Variants in VRK2 observed in about 807,000 individuals in gnomAD.
VRK2 encodes the protein VRK serine/threonine kinase 2, also known as serine/threonine-protein kinase VRK2.
In VRK2, 60 loss-of-function variants were observed where a neutral mutation model predicts 57.6. The observed-to-expected ratio is 1.04, with a 90% CI of 0.85 to 1.29. The LOEUF is 1.29. Ranked by LOEUF, VRK2 falls within the 50% of genes most tolerant of loss-of-function variation. The pLI, the probability that VRK2 is intolerant of heterozygous loss-of-function variation, is 0.00. For missense variants in VRK2, 705 were observed against 588.1 expected (o/e 1.20, Z -2.06); for synonymous variants, 231 against 199.2 (o/e 1.16, Z -1.35).
At chr2:58,095,358 A>C (rs1305519306) in intron 7 of VRK2, among the ~76,000 whole-genome samples, 2 of 151,164 alleles carry the variant, frequency 1.3e-5, no homozygotes, top group Non-Finnish European at 3.0e-5. Context: ...TTTAAAATTG[A>C]TTTGGGGGAG....
At chr2:58,017,968 G>T (rs1434164619) in intron 1 of VRK2, 1 of 152,110 alleles carries the variant, frequency 6.6e-6, no homozygotes, top group East Asian at 1.9e-4. Flanking sequence ...AATCTCACTT[G>T]AATATTAGAA....
At chr2:57,924,438 C>T (rs995206935) in intron 1 of VRK2, among the ~76,000 whole-genome samples, 1 of 151,730 alleles carries the variant, frequency 6.6e-6, no homozygotes, top group Non-Finnish European at 1.5e-5. Flanking sequence ...ATCTTTCACT[C>T]CTTTGGTTAA....
At chr2:57,938,893 G>A (rs1473834958) in intron 1 of VRK2, among the ~76,000 whole-genome samples, 1 of 151,930 alleles carries the variant, frequency 6.6e-6, no homozygotes, top group African/African-American at 2.4e-5. Context: ...TCTTCTTTTG[G>A]AAAATGCTCC....
At chr2:58,147,317 T>C (rs375432968) in intron 12 of VRK2, 7 of 386,162 alleles carry the variant, frequency 1.8e-5, no homozygotes, top group African/African-American at 1.2e-4. Context: ...CTTTTTTTAG[T>C]ACTAATAGCA....
intron 3 of VRK2, among the ~76,000 whole-genome samples, chr2:58,037,835 T>C (rs1192191542): frequency 1.3e-5 from 2 of 152,062 alleles, no homozygotes; most frequent in Non-Finnish European, 2.9e-5. Context: ...AAAGTACAAA[T>C]GCCTAATAAA....
intron 7 of VRK2, among the ~76,000 whole-genome samples, chr2:58,114,340 C>T (rs1676082825): frequency 6.6e-6 from 1 of 151,710 alleles, no homozygotes; most frequent in Admixed American, 6.5e-5. Context: ...ACAGTGTAAA[C>T]CAGCAGTGTA....
At chr2:57,953,191 A>T (rs555936810) in intron 1 of VRK2, among the ~76,000 whole-genome samples, 1 of 152,358 alleles carries the variant, frequency 6.6e-6, no homozygotes, top group Non-Finnish European at 1.5e-5. Context: ...CTCTGTTGCC[A>T]GCTTTGACCT....
intron 12 of VRK2, among the ~76,000 whole-genome samples, chr2:58,156,614 T>G (rs998898330): frequency 7.1e-6 from 1 of 141,298 alleles, no homozygotes; most frequent in African/African-American, 3.2e-5. Flanking sequence ...TTTTGTTTTG[T>G]TTTTGCCTGA....
rs193054128 is a variant in VRK2, at chr2:58,084,246, C to G, written c.186+108C>G. ...TTGTAACTATTGCCTTATCAGTAAA[C>G]CTAATGTTATCATCTGTTTTGACGT... On this transcript the variant is annotated intron_variant, in intron 3 of 12. Coordinates refer to ENST00000340157, the MANE Select transcript of VRK2 (RefSeq NM_006296.7). 484 of 1,137,386 alleles carry G rather than the reference C, an allele frequency of 4.3e-4. 1 individual carries two copies. The highest frequency in any genetic ancestry group is 1.4e-3 in the Middle Eastern group (5 of 3,594). The allele number at this position is 1,137,386 out of a possible 1,614,324, so 70.5% of individuals were successfully genotyped here. A position where few individuals can be genotyped will look rare whatever the true frequency, so the allele number is the denominator to read the frequency against.
chr2:57,995,249 G>T (rs569491366), intron 1 of VRK2, among the ~76,000 whole-genome samples: 10 of 152,184 alleles, frequency 6.6e-5, no homozygotes, highest in Admixed American at 5.9e-4. Context: ...TGCACTAGTC[G>T]TTTGGAAAAT....
At chr2:58,122,615 A>G (rs974670193) in intron 7 of VRK2, among the ~76,000 whole-genome samples, 2 of 152,222 alleles carry the variant, frequency 1.3e-5, no homozygotes, top group African/African-American at 4.8e-5. Flanking sequence ...TGGCAGAAGC[A>G]GCACAAAATC....
intron 8 of VRK2, among the ~76,000 whole-genome samples, chr2:58,131,055 C>T (rs1368273425): frequency 6.6e-6 from 1 of 151,850 alleles, no homozygotes; most frequent in Non-Finnish European, 1.5e-5. Context: ...TTTTAACGTA[C>T]TTTTTAGGAA....
intron 2 of VRK2, among the ~76,000 whole-genome samples, chr2:58,073,544 A>G (rs1669638004): frequency 6.6e-6 from 1 of 151,138 alleles, no homozygotes; most frequent in African/African-American, 2.4e-5. Context: ...TGACCCCTTT[A>G]TTATTATTTA....
intron 1 of VRK2, among the ~76,000 whole-genome samples, chr2:57,935,576 G>C (rs1005317553): frequency 2.0e-5 from 3 of 152,116 alleles, no homozygotes; most frequent in Admixed American, 6.5e-5. Flanking sequence ...GTCCCTTGTG[G>C]GTCCGGAGGT....
intron 3 of VRK2, 94 bp from the exon 4 acceptor site, chr2:58,084,787 T>C (rs1410785599): frequency 1.2e-6 from 1 of 804,634 alleles, no homozygotes; most frequent in Admixed American, 2.9e-5. Flanking sequence ...TATTATATAC[T>C]ACATATATAT....
rs6709119 is a variant in VRK2, at chr2:57,928,557, G to A, written c.-439+20718G>A. On this transcript the variant is annotated intron_variant, in intron 1 of 15. Transcript: ENST00000417641. ...CTTGCTGACTTATTTAGTTCATTTG[G>A]TGAGGTCAGGTTTTCCTGGAAGGTC... Among the ~76,000 whole-genome samples, 903 of 152,124 alleles carry A rather than the reference G, an allele frequency of 5.9e-3. 9 individuals carry two copies. Among genetic ancestry groups the A allele is most frequent in the African/African-American group, 0.02 (850 of 41,532 alleles).
At chr2:58,042,087 C>T (rs1674482122), upstream of VRK2, among the ~76,000 whole-genome samples, 1 of 152,132 alleles carries the variant, frequency 6.6e-6, no homozygotes, top group Non-Finnish European at 1.5e-5. Flanking sequence ...TGTCCTTAAC[C>T]TTGGCAAAAG....
intron 7 of VRK2, among the ~76,000 whole-genome samples, chr2:58,093,936 T>G (rs1477312043): frequency 2.6e-5 from 4 of 152,162 alleles, no homozygotes; most frequent in African/African-American, 7.2e-5. Flanking sequence ...TTTCCCCATT[T>G]CTTGTTTTTG....
At chr2:58,144,849 A>G (rs1681876000) in intron 11 of VRK2, among the ~76,000 whole-genome samples, 1 of 151,988 alleles carries the variant, frequency 6.6e-6, no homozygotes, top group African/African-American at 2.4e-5. Context: ...AGGAGGGTAG[A>G]ATAGAGTGGT....
Sources: gnomAD v4.1 joint callset for allele counts (sites outside exome capture counted in the v4.1 genomes callset) on GRCh38, gnomAD v4.1.1 for gene constraint, MANE v1.5 for transcripts, NCBI Gene and HGNC (gene_info 2026-07-23, HGNC 2026-07-21) for gene names.